Variants in GABRG3 observed in about 807,000 individuals in gnomAD.
GABRG3 encodes the protein gamma-aminobutyric acid type A receptor subunit gamma3.
In GABRG3, 25 loss-of-function variants were observed where a neutral mutation model predicts 48.8. The observed-to-expected ratio is 0.51, with a 90% confidence interval of 0.37 to 0.72. The LOEUF (loss-of-function observed/expected upper bound fraction) is 0.72. GABRG3 is among the 30% of genes least tolerant of loss of function. The pLI is 0.00. For missense variants in GABRG3, 394 were observed against 577.9 expected (o/e 0.68, Z 3.26); for synonymous variants, 227 against 217.6 (o/e 1.04, Z -0.38).
rs184699159 is a variant in GABRG3 at position 27,346,389 on chromosome 15, G to A, written c.574+17501G>A. 2.3e-3 allele frequency among the ~76,000 whole-genome samples: 346 copies of A among 152,272 alleles called. 1 individual carries two copies. The highest frequency in any genetic ancestry group is 7.9e-3 in the African/African-American group (330 of 41,560). On this transcript the variant is annotated intron_variant, in intron 5 of 9. Transcript: ENST00000615808. ...GCTTCCTGCAGTGTGAATATGGTAT[G>A]ACCAAGTGATCTTTTAATTGCATTT...
chr15:27,122,512 T>A (rs915298356), intron 3 of GABRG3, among the ~76,000 whole-genome samples: 1 of 152,266 alleles, frequency 6.6e-6, no homozygotes, highest in African/African-American at 2.4e-5. Flanking sequence ...CCACAGATTA[T>A]TCCATGTGTG....
chr15:27,360,849 G>A (rs74004996), intron 5 of GABRG3, among the ~76,000 whole-genome samples: 5,583 of 152,304 alleles, frequency 0.037, 339 homozygotes, highest in African/African-American at 0.13. Context: ...ATGAGTTTGT[G>A]GGATGCTCTC....
intron 6 of GABRG3, among the ~76,000 whole-genome samples, chr15:27,503,250 T>C (rs1595797117): frequency 6.6e-6 from 1 of 152,314 alleles, no homozygotes; most frequent in Non-Finnish European, 1.5e-5. Flanking sequence ...AAAATGGGGA[T>C]GAAGCCAAAT....
chr15:27,176,872 G>T (rs77538302), intron 3 of GABRG3, among the ~76,000 whole-genome samples: 1 of 152,302 alleles, frequency 6.6e-6, no homozygotes, highest in African/African-American at 2.4e-5. Flanking sequence ...GCTGGAAAGA[G>T]AGCTTGGAAA....
chr15:27,448,057 A>C (rs62003773), intron 5 of GABRG3, among the ~76,000 whole-genome samples: 8,472 of 152,204 alleles, frequency 0.056, 359 homozygotes, highest in Non-Finnish European at 0.08. Context: ...CTGGTAACAG[A>C]GAAAGATAGA....
intron 5 of GABRG3, among the ~76,000 whole-genome samples, chr15:27,372,086 A>G (rs1428781111): frequency 6.6e-6 from 1 of 152,140 alleles, no homozygotes; most frequent in Admixed American, 6.5e-5. Context: ...AGTTAATAAA[A>G]ACCTCACGTA....
At chr15:27,262,929 CAT>C (rs1387700578) in intron 3 of GABRG3, among the ~76,000 whole-genome samples, 1 of 152,198 alleles carries the variant, frequency 6.6e-6, no homozygotes, top group Non-Finnish European at 1.5e-5. Flanking sequence ...GAGAGAAACA[CAT>C]ATTTTCTCCA....
intron 5 of GABRG3, among the ~76,000 whole-genome samples, chr15:27,355,885 A>G (rs1390066144): frequency 6.6e-6 from 1 of 152,248 alleles, no homozygotes; most frequent in African/African-American, 2.4e-5. Context: ...GTATGATTCC[A>G]CTTATATGAA....
At chr15:27,060,203 C>T (rs565536702) in intron 3 of GABRG3, among the ~76,000 whole-genome samples, 12 of 152,274 alleles carry the variant, frequency 7.9e-5, no homozygotes, top group African/African-American at 2.9e-4. Context: ...TGTCTAAGAC[C>T]ATTATGCATA....
intron 3 of GABRG3, among the ~76,000 whole-genome samples, chr15:27,250,972 T>G (rs1890435548): frequency 6.6e-6 from 1 of 152,156 alleles, no homozygotes; most frequent in Non-Finnish European, 1.5e-5. Flanking sequence ...CAGCCACACT[T>G]TACAAACTGC....
rs181128322 is a variant in GABRG3 at position 27,191,718 on chromosome 15, C to T, written c.271-135091C>T. On this transcript the variant is annotated intron_variant, in intron 3 of 9. Coordinates refer to ENST00000615808, the MANE Select transcript of GABRG3 (RefSeq NM_033223.5). ...TGTCTTTTAATTGGAGCATTTAGTCCATTTACGTTTAAAGTTAATATTGTT... is the reference window on the plus strand; with the variant it reads ...TGTCTTTTAATTGGAGCATTTAGTCTATTTACGTTTAAAGTTAATATTGTT... Among the ~76,000 whole-genome samples, 20 of 152,076 alleles carry T rather than the reference C, an allele frequency of 1.3e-4. No homozygotes were observed. In the East Asian group the frequency reaches 3.9e-3, roughly 30 times the overall value.
At chr15:27,203,657 G>A (rs1888761294) in intron 3 of GABRG3, among the ~76,000 whole-genome samples, 1 of 151,718 alleles carries the variant, frequency 6.6e-6, no homozygotes, top group Admixed American at 6.6e-5. Context: ...ACATTCCCCA[G>A]TAGTATATGT....
At chr15:27,332,638 G>A (rs566711347) in intron 5 of GABRG3, among the ~76,000 whole-genome samples, 29 of 152,294 alleles carry the variant, frequency 1.9e-4, no homozygotes, top group South Asian at 4.1e-4. Flanking sequence ...ACACTCTGAA[G>A]CTGTATTTTT....
intron 3 of GABRG3, among the ~76,000 whole-genome samples, chr15:27,067,380 C>A (rs979197006): frequency 1.4e-4 from 21 of 152,212 alleles, no homozygotes; most frequent in African/African-American, 5.1e-4. Flanking sequence ...TGTCCCCTCT[C>A]GTGATGTATG....
intron 3 of GABRG3, among the ~76,000 whole-genome samples, chr15:27,037,498 GA>G (rs1393498375): frequency 2.0e-5 from 3 of 152,154 alleles, no homozygotes; most frequent in African/African-American, 7.2e-5. Flanking sequence ...CAGAGTCTTG[GA>G]CTGCTTCTGT....
At chr15:27,285,254 GGTGTGTGT>G (rs60880658) in intron 3 of GABRG3, among the ~76,000 whole-genome samples, 43,109 of 142,328 alleles carry the variant, frequency 0.3, 7,069 homozygotes, top group Non-Finnish European at 0.38. Flanking sequence ...TGAGCTTTCA[GGTGTGTGT>G]GTGTGTGTGT....
intron 3 of GABRG3, among the ~76,000 whole-genome samples, chr15:27,279,301 T>C (rs1396411982): frequency 6.6e-6 from 1 of 152,214 alleles, no homozygotes; most frequent in Admixed American, 6.5e-5. Context: ...CTTTTATGCA[T>C]TGTGTTTTGG....
intron 2 of GABRG3, among the ~76,000 whole-genome samples, chr15:26,987,681 T>G (rs1895177081): frequency 6.6e-6 from 1 of 152,228 alleles, no homozygotes; most frequent in Non-Finnish European, 1.5e-5. Context: ...TTCTAGTTCC[T>G]TGATTTCCAT....
rs572199810 is a variant in GABRG3, at chr15:27,375,744, A to G, written c.574+46856A>G. Among the ~76,000 whole-genome samples the G allele has an allele frequency of 6.6e-5, 10 of 152,234 alleles. No individual in the cohort carries two copies. The South Asian group carries it at 1.0e-3, about 16-fold the overall frequency. ...GGGAAAGATCTGCCCCCATGATTCA[A>G]TTACTTCCTGCTGGGTCCCTCCCAC... On this transcript the variant is annotated intron_variant, in intron 5 of 9. Transcript: ENST00000615808.
Sources: allele counts gnomAD v4.1 joint callset (sites outside exome capture counted in the v4.1 genomes callset), GRCh38; gene constraint gnomAD v4.1.1; transcripts MANE v1.5; gene names NCBI Gene and HGNC (gene_info 2026-07-23, HGNC 2026-07-21).